Variants in NLGN4X observed in about 807,000 individuals in gnomAD.
The protein encoded by NLGN4X is neuroligin 4 X-linked.
NLGN4X carries 3 observed loss-of-function variants against 40.3 expected under a neutral mutation model. That is an observed-to-expected ratio of 0.07 (90% CI 0.03 to 0.19). NLGN4X has a LOEUF of 0.19. Ranked by LOEUF, NLGN4X falls within the 10% of genes least tolerant of loss-of-function variation. NLGN4X has a pLI of 1.00. For missense variants in NLGN4X, 382 were observed against 708.3 expected, an observed-to-expected ratio of 0.54 and a Z score of 5.23; for synonymous variants, 270 against 306.8, an observed-to-expected ratio of 0.88 and a Z score of 1.25.
chrX:6,108,024 C>T (rs1252403650), intron 2 of NLGN4X, among the ~76,000 whole-genome samples: 2 of 112,170 alleles, frequency 1.8e-5, no homozygotes, highest in Non-Finnish European at 3.8e-5. Context: ...CTTCCCACAA[C>T]ACAGTGCTGG....
rs1315193598 is a variant in NLGN4X, at chrX:6,167,640, T to C, written c.-305-15869A>G. Among the ~76,000 whole-genome samples, 11 of 111,834 alleles carry C rather than the reference T, an allele frequency of 9.8e-5. No individual in the cohort carries two copies. The Admixed American group carries it at 1.0e-3, about 11-fold the overall frequency. ...AGGAGTCTCTACTCTTTAAGGCCCA[T>C]GGAGAAGAATTCCGGGAATGAACAG... On this transcript the variant is annotated intron_variant, in intron 1 of 5. Coordinates refer to ENST00000381095, the MANE Select transcript of NLGN4X (RefSeq NM_181332.3).
At chrX:5,948,082 G>A (rs906608006) in intron 3 of NLGN4X, among the ~76,000 whole-genome samples, 9 of 110,943 alleles carry the variant, frequency 8.1e-5, no homozygotes, top group Non-Finnish European at 1.7e-4. Flanking sequence ...TTGAACCAAA[G>A]AATGGAAAGA....
chrX:5,960,785 T>C (rs1165491261), intron 3 of NLGN4X, among the ~76,000 whole-genome samples: 1 of 111,422 alleles, frequency 9.0e-6, no homozygotes, highest in East Asian at 2.8e-4. Flanking sequence ...TATAAAGTAG[T>C]TCCTTATTCT....
At chrX:6,181,920 A>G (rs753891957) in intron 1 of NLGN4X, among the ~76,000 whole-genome samples, 1 of 111,829 alleles carries the variant, frequency 8.9e-6, no homozygotes, top group East Asian at 2.8e-4. Flanking sequence ...GAGGGTTATC[A>G]TGGGGGTACT....
At chrX:6,067,114 C>G (rs1022174271) in intron 2 of NLGN4X, among the ~76,000 whole-genome samples, 2 of 109,430 alleles carry the variant, frequency 1.8e-5, no homozygotes, top group Non-Finnish European at 3.8e-5. Flanking sequence ...GTCCCCCCCC[C>G]AAAACAAAAT....
intron 2 of NLGN4X, among the ~76,000 whole-genome samples, chrX:6,035,320 T>C (rs956616069): frequency 8.1e-5 from 9 of 111,784 alleles, no homozygotes; most frequent in African/African-American, 2.9e-4. Flanking sequence ...TTGATGAGTT[T>C]CACTTGATCA....
chrX:6,117,393 C>A (rs2039327216), intron 2 of NLGN4X, among the ~76,000 whole-genome samples: 1 of 110,798 alleles, frequency 9.0e-6, no homozygotes, highest in Non-Finnish European at 1.9e-5. Context: ...AATGCATGCT[C>A]TACTGCCTCT....
intron 1 of NLGN4X, among the ~76,000 whole-genome samples, chrX:6,221,754 C>T (rs1172687853): frequency 9.0e-6 from 1 of 110,713 alleles, no homozygotes; most frequent in African/African-American, 3.3e-5. Flanking sequence ...CTTCTGCCCC[C>T]ATCCCCCATG....
intron 2 of NLGN4X, among the ~76,000 whole-genome samples, chrX:6,061,453 T>C (rs1236089605): frequency 9.0e-6 from 1 of 111,681 alleles, no homozygotes; most frequent in Non-Finnish European, 1.9e-5. Context: ...TCTATATTGT[T>C]CCTTTTCTGA....
chrX:6,161,789 A>C (rs1271491348), intron 1 of NLGN4X, among the ~76,000 whole-genome samples: 1 of 110,449 alleles, frequency 9.1e-6, no homozygotes, highest in Non-Finnish European at 1.9e-5. Context: ...AGAGGGAGAA[A>C]GAGAGGGAGA....
intron 3 of NLGN4X, among the ~76,000 whole-genome samples, chrX:5,927,560 G>A (rs1306150729): frequency 8.9e-6 from 1 of 112,510 alleles, no homozygotes; most frequent in African/African-American, 3.2e-5. Context: ...GAGGGAACAA[G>A]AATGCAGGTA....
rs537692687 is a variant in NLGN4X at position 6,135,690 on chromosome X, T to C, written c.472+15305A>G. On this transcript the variant is annotated intron_variant, in intron 2 of 5. Coordinates refer to ENST00000381095, the MANE Select transcript of NLGN4X (RefSeq NM_181332.3). ...TGGCATGCAACTAAAATTAGGCCAG[T>C]ACGCATAGTTGCTAGGCCAATGTGC... Among the ~76,000 whole-genome samples the C allele has an allele frequency of 2.7e-5, 3 of 111,472 alleles. No individual in the cohort carries two copies. In the South Asian group the frequency reaches 1.1e-3, roughly 42 times the overall value.
chrX:6,063,908 A>G (rs951886546), intron 2 of NLGN4X, among the ~76,000 whole-genome samples: 10 of 112,204 alleles, frequency 8.9e-5, no homozygotes. Flanking sequence ...CCTAACTCAC[A>G]TGGTTTCTTC....
chrX:5,968,033 T>C (rs967806036), intron 3 of NLGN4X, among the ~76,000 whole-genome samples: 2 of 111,595 alleles, frequency 1.8e-5, no homozygotes, highest in Non-Finnish European at 3.8e-5. Context: ...AATCCATTTA[T>C]AGATTTTCCT....
intron 1 of NLGN4X, among the ~76,000 whole-genome samples, chrX:6,210,418 G>A (rs769935006): frequency 9.0e-6 from 1 of 110,843 alleles, no homozygotes; most frequent in South Asian, 3.8e-4. Flanking sequence ...AGACCGCATC[G>A]AGCTATGATT....
intron 2 of NLGN4X, among the ~76,000 whole-genome samples, chrX:6,116,391 C>CTTTTTTTTTTTTTTTTTTTTTT (rs1157468420): frequency 9.0e-5 from 2 of 22,290 alleles, no homozygotes; most frequent in African/African-American, 3.7e-4. Context: ...ACCTTTCTTT[C>CTTTTTTTTTTTTTTTTTTTTTT]TTTTTTTTTT....
At chrX:6,053,518 C>T (rs2037543917) in intron 2 of NLGN4X, among the ~76,000 whole-genome samples, 1 of 110,978 alleles carries the variant, frequency 9.0e-6, no homozygotes, top group East Asian at 2.8e-4. Flanking sequence ...ACAATCATCA[C>T]ATAAATGAGG....
At chrX:5,953,434 T>C (rs1224354700) in intron 3 of NLGN4X, among the ~76,000 whole-genome samples, 1 of 111,652 alleles carries the variant, frequency 9.0e-6, no homozygotes, top group Admixed American at 9.5e-5. Context: ...AAATAATCTG[T>C]TGTATATTTT....
intron 2 of NLGN4X, among the ~76,000 whole-genome samples, chrX:6,087,147 T>C (rs933827250): frequency 8.9e-6 from 1 of 112,114 alleles, no homozygotes; most frequent in African/African-American, 3.2e-5. Context: ...ATCTTAAATA[T>C]AGGTGCAGTT....
Sources: gnomAD v4.1 joint callset for allele counts (sites outside exome capture counted in the v4.1 genomes callset) on GRCh38, gnomAD v4.1.1 for gene constraint, MANE v1.5 for transcripts, NCBI Gene and HGNC (gene_info 2026-07-23, HGNC 2026-07-21) for gene names.